PPP1R16B: variants seen among roughly 807,000 people sequenced by gnomAD.
PPP1R16B encodes the protein protein phosphatase 1 regulatory inhibitor subunit 16B.
A neutral mutation model predicts 61.7 loss-of-function variants in PPP1R16B; 14 were observed. The observed-to-expected ratio is 0.23, with a 90% CI of 0.15 to 0.35. The LOEUF is 0.35. PPP1R16B is among the 10% of genes least tolerant of loss of function. The pLI, the probability that PPP1R16B is intolerant of heterozygous loss-of-function variation, is 1.00. For synonymous variants in PPP1R16B, 266 were observed against 305.3 expected (o/e 0.87, Z 1.34); for missense variants, 547 against 752.5 (o/e 0.73, Z 3.19).
chr20:38,857,754 G>T (rs997599958), intron 2 of PPP1R16B, among the ~76,000 whole-genome samples: 1 of 151,952 alleles, frequency 6.6e-6, no homozygotes. Flanking sequence ...CTGACTCAGG[G>T]CACTCAGTGA....
chr20:38,914,182 CA>C (rs35482457), intron 10 of PPP1R16B, among the ~76,000 whole-genome samples: 11,931 of 128,362 alleles, frequency 0.093, 1,322 homozygotes, highest in African/African-American at 0.29. Context: ...GACTCTATCT[CA>C]AAAAAAAAAA....
intron 4 of PPP1R16B, among the ~76,000 whole-genome samples, chr20:38,899,564 T>G (rs2085375707): frequency 6.6e-6 from 1 of 152,160 alleles, no homozygotes; most frequent in South Asian, 2.1e-4. Context: ...GCCCAAAGGG[T>G]AAATTCTTCC....
chr20:38,896,237 C>CCTCCCTCCCTCT (rs369817706), intron 4 of PPP1R16B, among the ~76,000 whole-genome samples: 1,714 of 139,890 alleles, frequency 0.012, 48 homozygotes, highest in African/African-American at 0.042. Flanking sequence ...TCCCTACCTG[C>CCTCCCTCCCTCT]CTCCCTCCCT....
chr20:38,834,179 T>C (rs916996763), intron 1 of PPP1R16B, among the ~76,000 whole-genome samples: 17 of 152,184 alleles, frequency 1.1e-4, no homozygotes, highest in African/African-American at 3.9e-4. Flanking sequence ...TAAAAAATTA[T>C]TTTATTTTTT....
chr20:38,867,261 C>T (rs1412092918), intron 2 of PPP1R16B, among the ~76,000 whole-genome samples: 1 of 152,198 alleles, frequency 6.6e-6, no homozygotes, highest in African/African-American at 2.4e-5. Flanking sequence ...CATTCATGTC[C>T]AAACATCAGC....
chr20:38,885,637 A>C (rs1025823514), intron 2 of PPP1R16B, among the ~76,000 whole-genome samples: 1 of 152,192 alleles, frequency 6.6e-6, no homozygotes, highest in African/African-American at 2.4e-5. Context: ...GCCACATGTG[A>C]CTAAGCTACA....
chr20:38,877,347 T>C (rs1009048808), intron 2 of PPP1R16B, among the ~76,000 whole-genome samples: 12 of 151,994 alleles, frequency 7.9e-5, no homozygotes, highest in Non-Finnish European at 1.6e-4. Flanking sequence ...CTCGCTCTTG[T>C]TGCCCACGCT....
chr20:38,918,515 C>G lies in PPP1R16B; in HGVS notation c.1553C>G (p.Ala518Gly). Residue 518 changes from alanine (A) to glycine (G), a missense_variant, in exon 11 of 11, where the codon GCC (alanine) becomes GGC (glycine). Physicochemically the swap from Ala to Gly is moderately conservative, Grantham distance 60. Transcript: ENST00000299824. The surrounding 1 kb of genome is among the most constrained non-coding windows in gnomAD (Gnocchi z 5.3). The stretch of plus-strand genomic sequence containing the variant: ...GGCGAGAGTAGCAGTGAAGGCAAGG[C>G]CCCCTTGATCGGAGGCAGAACTTCA... ...RTGESSSEGKAPLIGGRTSPY... is the reference protein window; with the variant it reads ...RTGESSSEGKGPLIGGRTSPY... 5.6e-6 allele frequency: 9 copies of G among 1,598,118 alleles called. No homozygotes were observed. The highest frequency in any genetic ancestry group is 7.7e-6 in the Non-Finnish European group (9 of 1,169,916).
At chr20:38,846,327 A>C (rs576959819) in intron 2 of PPP1R16B, among the ~76,000 whole-genome samples, 2 of 152,272 alleles carry the variant, frequency 1.3e-5, no homozygotes, top group South Asian at 4.1e-4. Context: ...AAGCAAGGGT[A>C]GTTGGAGCAG....
chr20:38,818,726 C>T (rs1201257205), intron 1 of PPP1R16B, among the ~76,000 whole-genome samples: 2 of 150,838 alleles, frequency 1.3e-5, no homozygotes, highest in East Asian at 1.9e-4. Context: ...GGGCAGTGGT[C>T]GAGTGTGTAG....
At chr20:38,889,789 G>A (rs1338802004) in intron 3 of PPP1R16B, 124 bp downstream of exon 3, 4 of 989,916 alleles carry the variant, frequency 4.0e-6, no homozygotes, top group Admixed American at 3.7e-5. Context: ...AGGAGGAGCT[G>A]CAGCTGGCCC....
chr20:38,915,799 T>G (rs1482629303), intron 10 of PPP1R16B, among the ~76,000 whole-genome samples: 1 of 151,858 alleles, frequency 6.6e-6, no homozygotes, highest in Non-Finnish European at 1.5e-5. Flanking sequence ...CTGTACATGT[T>G]TTTTTTTAAC....
At chr20:38,875,608 C>T (rs562030535) in intron 2 of PPP1R16B, among the ~76,000 whole-genome samples, 42 of 152,304 alleles carry the variant, frequency 2.8e-4, no homozygotes, top group African/African-American at 9.4e-4. Context: ...AACCCCCCAG[C>T]GAAGCAAACA....
chr20:38,829,950 GAA>G (rs2145715917), intron 1 of PPP1R16B, among the ~76,000 whole-genome samples: 1 of 152,376 alleles, frequency 6.6e-6, no homozygotes, highest in South Asian at 2.1e-4. Context: ...CCAAGTCAGA[GAA>G]AATATGCCTC....
intron 2 of PPP1R16B, among the ~76,000 whole-genome samples, chr20:38,882,752 T>C (rs1279863194): frequency 6.6e-6 from 1 of 152,058 alleles, no homozygotes; most frequent in Non-Finnish European, 1.5e-5. Context: ...GGAAGCTCAA[T>C]GGAGATTAGG....
chr20:38,909,749 G>A (rs1285047378), intron 10 of PPP1R16B, among the ~76,000 whole-genome samples: 3 of 152,220 alleles, frequency 2.0e-5, no homozygotes, highest in Admixed American at 2.0e-4. Context: ...TCACCAGGAG[G>A]TGTGAAGGTG....
intron 2 of PPP1R16B, among the ~76,000 whole-genome samples, chr20:38,848,948 C>G (rs889257371): frequency 7.2e-5 from 11 of 152,084 alleles, no homozygotes; most frequent in Non-Finnish European, 1.5e-4. Flanking sequence ...GCACTTGTAC[C>G]CCTGAACTTA....
chr20:38,868,409 G>A (rs2085104355), intron 2 of PPP1R16B, among the ~76,000 whole-genome samples: 1 of 150,722 alleles, frequency 6.6e-6, no homozygotes, highest in South Asian at 2.1e-4. Flanking sequence ...TTTGGAGACA[G>A]GGTCTCACTC....
chr20:38,906,255 GC>G (rs1194085202), intron 7 of PPP1R16B, among the ~76,000 whole-genome samples, 161 bp downstream of exon 7: 1 of 146,114 alleles, frequency 6.8e-6, no homozygotes, highest in Non-Finnish European at 1.5e-5. Context: ...TAGGGAGTTT[GC>G]AAAAAACATT....
Sources: gnomAD v4.1 joint callset for allele counts (sites outside exome capture counted in the v4.1 genomes callset) on GRCh38, gnomAD v4.1.1 for gene constraint, Gnocchi (gnomAD v3.1) non-coding constraint, MANE v1.5 for transcripts, NCBI Gene and HGNC (gene_info 2026-07-23, HGNC 2026-07-21) for gene names.